Variants in C2CD3 observed in about 807,000 individuals in gnomAD.
C2CD3 encodes C2 domain containing 3 centriole elongation regulator, also known as C2 domain-containing protein 3.
A neutral mutation model predicts 234.0 loss-of-function variants in C2CD3; 148 were observed. The observed-to-expected ratio is 0.63, with a 90% confidence interval of 0.55 to 0.72. The LOEUF (loss-of-function observed/expected upper bound fraction) is 0.72. Ranked by LOEUF, C2CD3 falls within the 30% of genes least tolerant of loss-of-function variation. C2CD3 has a pLI of 0.00. For synonymous variants in C2CD3, 1,000 were observed against 1,035.4 expected, an observed-to-expected ratio of 0.97 and a Z score of 0.66; for missense variants, 2,577 against 2,811.5, an observed-to-expected ratio of 0.92 and a Z score of 1.89.
chr11:74,058,664 G>A (rs755816946), intron 24 of C2CD3, among the ~76,000 whole-genome samples: 1 of 152,008 alleles, frequency 6.6e-6, no homozygotes, highest in Non-Finnish European at 1.5e-5. Flanking sequence ...GGGTGCTGGT[G>A]AGAATACCTA....
chr11:74,013,349 G>T lies in C2CD3; in HGVS notation c.*36C>A. The T allele has an allele frequency of 1.5e-6, 1 of 655,676 alleles. No homozygotes were observed. The highest frequency in any genetic ancestry group is 2.3e-6 in the Non-Finnish European group (1 of 426,318). The allele number at this position is 655,676 out of a possible 1,614,324, so 40.6% of individuals were successfully genotyped here. A position where few individuals can be genotyped will look rare whatever the true frequency, so the allele number is the denominator to read the frequency against. On this transcript the variant is annotated 3_prime_UTR_variant, in exon 33 of 33. Transcript: ENST00000334126. ...GCTGGACAAAGCTGACGGAGGGTGGGCAGGTGTCTCCTTCCCCCCAGCCCC... is the reference window on the plus strand; with the variant it reads ...GCTGGACAAAGCTGACGGAGGGTGGTCAGGTGTCTCCTTCCCCCCAGCCCC...
At chr11:74,040,271 C>T (rs1952964342) in intron 29 of C2CD3, among the ~76,000 whole-genome samples, 1 of 152,096 alleles carries the variant, frequency 6.6e-6, no homozygotes, top group African/African-American at 2.4e-5. Flanking sequence ...CATCTGGAAA[C>T]CACCCCCCAC....
intron 14 of C2CD3, 84 bp downstream of exon 14, chr11:74,103,047 A>G: frequency 7.4e-7 from 1 of 1,359,200 alleles, no homozygotes. Flanking sequence ...TGAACATTCT[A>G]GATTTAAGAC....
intron 29 of C2CD3, among the ~76,000 whole-genome samples, chr11:74,041,732 G>T (rs1054059694): frequency 1.6e-4 from 24 of 152,164 alleles, no homozygotes; most frequent in African/African-American, 5.8e-4. Context: ...GACAGAGGCT[G>T]GTCTGGACGA....
intron 3 of C2CD3, among the ~76,000 whole-genome samples, chr11:74,150,492 C>CAAAAAAAAAAAAAAAAAAAAAA (rs769668218): frequency 6.2e-5 from 1 of 16,236 alleles, no homozygotes; most frequent in Non-Finnish European, 1.1e-4. Context: ...GACCCTGTCT[C>CAAAAAAAAAAAAAAAAAAAAAA]AAAAAAAAAA....
At position 74,085,838 on chromosome 11, in the gene C2CD3, C is replaced by T; in HGVS notation, c.3690G>A (p.Gly1230=). 1 of 1,613,988 alleles carries T rather than the reference C, an allele frequency of 6.2e-7. No individual in the cohort carries two copies. Among genetic ancestry groups the T allele is most frequent in the Non-Finnish European group, 8.5e-7 (1 of 1,179,978 alleles). The stretch of plus-strand genomic sequence containing the variant: ...GATGAGTGGTGACAGAGGCATTGAC[C>T]CCGACTGTGGCACTAAACTGTAGAG... ...EPALQFSATV[G]VNASVTTHLS... Residue 1230 remains glycine (G), a synonymous_variant, in exon 21 of 33, where the codon GGG becomes GGA. Coordinates refer to ENST00000334126, the MANE Select transcript of C2CD3 (RefSeq NM_001286577.2).
At chr11:74,112,795 T>C (rs546418561) in intron 11 of C2CD3, among the ~76,000 whole-genome samples, 5 of 152,312 alleles carry the variant, frequency 3.3e-5, no homozygotes, top group African/African-American at 1.2e-4. Flanking sequence ...GAATGGAAAG[T>C]AACAAGTGTT....
intron 13 of C2CD3, among the ~76,000 whole-genome samples, chr11:74,105,800 A>G (rs1956495788): frequency 6.6e-6 from 1 of 152,012 alleles, no homozygotes; most frequent in African/African-American, 2.4e-5. Flanking sequence ...GCCACAGCCC[A>G]TTTCCCTCTT....
At chr11:74,034,308 C>CTAAT (rs1952634271) in intron 30 of C2CD3, 30 bp from the exon 31 acceptor site, 1 of 1,516,810 alleles carries the variant, frequency 6.6e-7, no homozygotes, top group African/African-American at 1.4e-5. Flanking sequence ...ACTCTTATTA[C>CTAAT]AAGGTAGGGC....
Position 74,092,619 on chromosome 11 carries a change from A to C in C2CD3, c.3345-31T>G, listed in dbSNP as rs1189682524. ...AACCACAAAAGCACACGTTGTCAGA[A>C]GAATTAGGTGATAAATGATTCAGTC... On this transcript the variant is annotated intron_variant, in intron 18 of 32. Transcript: ENST00000334126. 6 of 1,578,322 alleles carry C rather than the reference A, an allele frequency of 3.8e-6. No individual in the cohort carries two copies. In the Admixed American group the frequency reaches 7.0e-5, roughly 18 times the overall value.
intron 24 of C2CD3, among the ~76,000 whole-genome samples, chr11:74,067,410 A>G (rs1281523767): frequency 6.6e-6 from 1 of 152,194 alleles, no homozygotes; most frequent in East Asian, 1.9e-4. Flanking sequence ...AAAGATATAG[A>G]GAACTATATG....
At chr11:74,049,803 TG>T (rs1953585686) in intron 26 of C2CD3, among the ~76,000 whole-genome samples, 1 of 152,058 alleles carries the variant, frequency 6.6e-6, no homozygotes, top group African/African-American at 2.4e-5. Context: ...TTGAAAGAGA[TG>T]GGGTCTCACT....
Position 74,133,506 on chromosome 11 carries a change from A to T in C2CD3, c.1007T>A (p.Met336Lys). ...CATGCTGGTCTCTGGGCTTGATTTC[A>T]TTGCAGAAATCACCATGGCATTACG... ...KLRNAMVISAMKSSPETSMLL... is the reference protein window; with the variant it reads ...KLRNAMVISAKKSSPETSMLL... Residue 336 changes from methionine to lysine, a missense_variant, in exon 6 of 33, where the codon ATG becomes AAG. Coordinates refer to ENST00000334126, the MANE Select transcript of C2CD3 (RefSeq NM_001286577.2). 7 of 1,613,202 alleles carry T rather than the reference A, an allele frequency of 4.3e-6. No individual in the cohort carries two copies. Among genetic ancestry groups the T allele is most frequent in the Non-Finnish European group, 5.9e-6 (7 of 1,179,146 alleles).
intron 20 of C2CD3, 91 bp from the exon 21 acceptor site, chr11:74,085,977 A>G (rs906960388): frequency 6.2e-6 from 8 of 1,284,534 alleles, no homozygotes; most frequent in Non-Finnish European, 6.3e-6. Flanking sequence ...TACTTCTATG[A>G]GACCACCAAG....
intron 32 of C2CD3, among the ~76,000 whole-genome samples, chr11:74,026,948 G>T (rs555480518): frequency 8.2e-6 from 1 of 122,528 alleles, no homozygotes; most frequent in Admixed American, 9.3e-5. Flanking sequence ...TCCAGCTGGC[G>T]ACAGAATAAG....
At chr11:74,019,124 G>T (rs941250) in intron 32 of C2CD3, among the ~76,000 whole-genome samples, 11,906 of 152,128 alleles carry the variant, frequency 0.078, 1,459 homozygotes, top group African/African-American at 0.26. Flanking sequence ...CCCAAGCTCT[G>T]CCAGAGAGAG....
intron 22 of C2CD3, among the ~76,000 whole-genome samples, chr11:74,084,143 G>A (rs891438921): frequency 1.3e-5 from 2 of 152,124 alleles, no homozygotes; most frequent in African/African-American, 4.8e-5. Flanking sequence ...GTCCTTTGTA[G>A]GGACATGGAT....
chr11:74,018,493 T>C (rs1252978415), intron 32 of C2CD3, among the ~76,000 whole-genome samples: 3 of 152,174 alleles, frequency 2.0e-5, no homozygotes, highest in African/African-American at 7.2e-5. Context: ...ACATAAACAT[T>C]GACTCAGGAG....
chr11:74,117,428 T>C (rs1052869585), intron 9 of C2CD3, among the ~76,000 whole-genome samples: 11 of 137,182 alleles, frequency 8.0e-5, no homozygotes, highest in African/African-American at 3.1e-4. Flanking sequence ...AATGAAATAA[T>C]GGCATTTGCA....
Sources: allele counts gnomAD v4.1 joint callset (sites outside exome capture counted in the v4.1 genomes callset), GRCh38; gene constraint gnomAD v4.1.1; transcripts MANE v1.5; gene names NCBI Gene and HGNC (gene_info 2026-07-23, HGNC 2026-07-21).